The following TBC1D4 variants were observed in gnomAD, a reference collection of about 807,000 sequenced individuals.
TBC1D4 encodes TBC1 domain family member 4, also known as TBC (Tre-2, BUB2, CDC16) domain-containing protein.
TBC1D4 carries 121 observed loss-of-function variants against 142.5 expected under a neutral mutation model. The observed-to-expected ratio is 0.85, with a 90% CI of 0.73 to 0.99. The LOEUF (loss-of-function observed/expected upper bound fraction) is 0.99, where lower values mean the gene tolerates loss of function less well. Ranked by LOEUF, TBC1D4 falls within the 50% of genes least tolerant of loss-of-function variation. TBC1D4 has a pLI of 0.00. For synonymous variants in TBC1D4, 630 were observed against 628.2 expected (o/e 1.00, Z -0.04); for missense variants, 1,475 against 1,606.6 (o/e 0.92, Z 1.40).
At chr13:75,455,418 TAA>T (rs1011670015) in intron 1 of TBC1D4, among the ~76,000 whole-genome samples, 1 of 150,950 alleles carries the variant, frequency 6.6e-6, no homozygotes, top group Non-Finnish European at 1.5e-5. Flanking sequence ...AATTGGAGTT[TAA>T]AAAAAAAGTC....
chr13:75,383,681 A>ATATG (rs1421207374), intron 1 of TBC1D4, among the ~76,000 whole-genome samples: 1 of 151,996 alleles, frequency 6.6e-6, no homozygotes, highest in African/African-American at 2.4e-5. Context: ...AAACTTTACC[A>ATATG]TATGTATGTA....
intron 5 of TBC1D4, among the ~76,000 whole-genome samples, chr13:75,347,028 A>T (rs1881204657): frequency 6.6e-6 from 1 of 152,194 alleles, no homozygotes; most frequent in South Asian, 2.1e-4. Context: ...CTGTACTTAC[A>T]TAAAAGTTTT....
intron 1 of TBC1D4, among the ~76,000 whole-genome samples, chr13:75,413,371 A>T (rs1475637379): frequency 2.0e-5 from 3 of 152,178 alleles, no homozygotes; most frequent in Admixed American, 6.5e-5. Context: ...CATGTTGGCC[A>T]GGGTGGTCTC....
chr13:75,466,458 T>A (rs1017155941), intron 1 of TBC1D4, among the ~76,000 whole-genome samples: 49 of 152,020 alleles, frequency 3.2e-4, no homozygotes, highest in African/African-American at 1.2e-3. Flanking sequence ...TAACAATAAT[T>A]TTTTAAATCA....
intron 1 of TBC1D4, among the ~76,000 whole-genome samples, chr13:75,472,651 C>G (rs943179358): frequency 1.3e-5 from 2 of 151,894 alleles, no homozygotes; most frequent in Admixed American, 1.3e-4. Flanking sequence ...AAAAAGAAGG[C>G]CAGCTTCCAT....
At chr13:75,461,286 C>A (rs1265972043) in intron 1 of TBC1D4, among the ~76,000 whole-genome samples, 1 of 152,040 alleles carries the variant, frequency 6.6e-6, no homozygotes, top group Non-Finnish European at 1.5e-5. Flanking sequence ...GAAAGAAATG[C>A]AAGTAAGGGC....
chr13:75,389,019 T>C (rs1203773229), intron 1 of TBC1D4, among the ~76,000 whole-genome samples: 2 of 152,228 alleles, frequency 1.3e-5, no homozygotes, highest in Non-Finnish European at 2.9e-5. Flanking sequence ...TGCTTCAAAT[T>C]ATTATTTTAA....
At chr13:75,462,650 T>G (rs1345272442) in intron 1 of TBC1D4, among the ~76,000 whole-genome samples, 2 of 152,102 alleles carry the variant, frequency 1.3e-5, no homozygotes, top group African/African-American at 4.8e-5. Flanking sequence ...GAGAGAATCA[T>G]TACCACCTTG....
chr13:75,283,932 CTGTG>C lies in TBC1D4; in HGVS notation c.*2856_*2859del, dbSNP rs1874474942. Among the ~76,000 whole-genome samples, 4 of 151,998 alleles carry C rather than the reference CTGTG, an allele frequency of 2.6e-5. No individual in the cohort carries two copies. Among genetic ancestry groups the C allele is most frequent in the Admixed American group, 2.6e-4 (4 of 15,254 alleles). On this transcript the variant is annotated 3_prime_UTR_variant, in exon 21 of 21. Coordinates refer to ENST00000377636, the MANE Select transcript of TBC1D4 (RefSeq NM_014832.5). ...TCTTTTTTTTTGTCAAAGTCTCACT[CTGTG>C]GCCCAGGCTAGAGTGCAGTGGCATG... is the stretch of plus-strand genomic sequence containing the variant.
At position 75,362,440 on chromosome 13, in the gene TBC1D4, G is replaced by A. The variant is rs374017678; in HGVS notation, c.666C>T (p.Ile222=). 1 of 1,614,220 alleles carries A rather than the reference G, an allele frequency of 6.2e-7. No individual in the cohort carries two copies. The highest frequency in any genetic ancestry group is 8.5e-7 in the Non-Finnish European group (1 of 1,180,044). Residue 222 remains isoleucine (I), a synonymous_variant, in exon 2 of 21, where the codon ATC becomes ATT. Transcript: ENST00000377636. The surrounding 1 kb of genome is among the most constrained non-coding windows in gnomAD (Gnocchi z 4.2). The part of the protein sequence containing the change: ...VTHKKAPSSL[I]DDCMEKFSLH... The stretch of plus-strand genomic sequence containing the variant: ...GGCTGAACTTCTCCATGCAGTCATC[G>A]ATGAGGCTTGAGGGGGCCTTCTTGT...
intron 12 of TBC1D4, among the ~76,000 whole-genome samples, chr13:75,317,803 C>T (rs1002619184): frequency 2.6e-5 from 4 of 152,180 alleles, no homozygotes; most frequent in Admixed American, 2.6e-4. Context: ...TATATACTCC[C>T]TCTTACCACT....
chr13:75,370,130 C>A (rs1259402959), intron 1 of TBC1D4, among the ~76,000 whole-genome samples: 2 of 152,242 alleles, frequency 1.3e-5, no homozygotes, highest in African/African-American at 2.4e-5. Context: ...ATGTTCTGGG[C>A]AGACAGAACA....
At chr13:75,335,564 A>C (rs1405182476) in intron 8 of TBC1D4, among the ~76,000 whole-genome samples, 2 of 152,154 alleles carry the variant, frequency 1.3e-5, no homozygotes, top group Non-Finnish European at 2.9e-5. Context: ...CCAATGTTGG[A>C]GGTCGGCCTG....
intron 6 of TBC1D4, 63 bp downstream of exon 6, chr13:75,341,433 A>AT: frequency 1.3e-6 from 2 of 1,518,000 alleles, no homozygotes; most frequent in Non-Finnish European, 1.8e-6. Context: ...ACAGGAACGC[A>AT]TAAAAACAGG....
intron 1 of TBC1D4, among the ~76,000 whole-genome samples, chr13:75,447,500 A>ATGTGTGTGTGTGTGTGTG (rs35775136): frequency 2.5e-4 from 37 of 145,246 alleles, no homozygotes; most frequent in African/African-American, 8.4e-4. Flanking sequence ...CATAGTGTGA[A>ATGTGTGTGTGTGTGTGTG]TGTGTGTGTG....
intron 1 of TBC1D4, among the ~76,000 whole-genome samples, chr13:75,449,533 AC>A (rs1426452965): frequency 1.5e-4 from 1 of 6,776 alleles, no homozygotes; most frequent in East Asian, 0.17. Context: ...TGAAACTGCA[AC>A]ACACACACAC....
At chr13:75,466,355 A>T (rs368303730) in intron 1 of TBC1D4, among the ~76,000 whole-genome samples, 8 of 152,326 alleles carry the variant, frequency 5.3e-5, no homozygotes, top group African/African-American at 1.9e-4. Context: ...CTCCATCCGC[A>T]CTAGAAAAAT....
chr13:75,465,269 T>G (rs1229259900), intron 1 of TBC1D4, among the ~76,000 whole-genome samples: 2 of 152,174 alleles, frequency 1.3e-5, no homozygotes, highest in Non-Finnish European at 2.9e-5. Flanking sequence ...CTGCAAAATT[T>G]TAAGATACAT....
chr13:75,327,654 T>A (rs1879376292), intron 9 of TBC1D4, 98 bp downstream of exon 9: 3 of 1,121,388 alleles, frequency 2.7e-6, no homozygotes, highest in Admixed American at 1.7e-5. Flanking sequence ...TTTAAAAAGC[T>A]ATAAAGCATT....
Sources: gnomAD v4.1 joint callset for allele counts (sites outside exome capture counted in the v4.1 genomes callset) on GRCh38, gnomAD v4.1.1 for gene constraint, Gnocchi (gnomAD v3.1) non-coding constraint, MANE v1.5 for transcripts, NCBI Gene and HGNC (gene_info 2026-07-23, HGNC 2026-07-21) for gene names.